The following ADGRL2 variants were observed in gnomAD, a reference collection of about 807,000 sequenced individuals.
The protein encoded by ADGRL2 is adhesion G protein-coupled receptor L2.
A neutral mutation model predicts 157.4 loss-of-function variants in ADGRL2; 44 were observed. The observed-to-expected ratio is 0.28, with a 90% CI of 0.22 to 0.36. ADGRL2 has a LOEUF of 0.36. ADGRL2 is among the 10% of genes least tolerant of loss of function. The pLI, the probability that ADGRL2 is intolerant of heterozygous loss-of-function variation, is 1.00. For missense variants in ADGRL2, 1,510 were observed against 1,768.9 expected (o/e 0.85, Z 2.63); for synonymous variants, 585 against 624.7 (o/e 0.94, Z 0.95).
At chr1:81,469,549 C>T (rs1229842666) in intron 2 of ADGRL2, among the ~76,000 whole-genome samples, 1 of 152,160 alleles carries the variant, frequency 6.6e-6, no homozygotes, top group Non-Finnish European at 1.5e-5. Flanking sequence ...CTATCTTTAG[C>T]TATCTTTGGT....
Position 81,970,596 on chromosome 1 carries a change from T to C in ADGRL2, c.2954+62T>C, listed in dbSNP as rs1264011085. Reference sequence around the variant, plus strand: ...GAATAATTTTTTAAAGCCTGTTAGCTGTCAGTGAGGGTCCCTGACAGATTA... The same window carrying C: ...GAATAATTTTTTAAAGCCTGTTAGCCGTCAGTGAGGGTCCCTGACAGATTA... On this transcript the variant is annotated intron_variant, in intron 16 of 23. Coordinates refer to ENST00000686636, the MANE Select transcript of ADGRL2 (RefSeq NM_001366006.2). 1.3e-5 allele frequency: 16 copies of C among 1,274,484 alleles called. No individual in the cohort carries two copies. In the Admixed American group the frequency reaches 1.6e-4, roughly 13 times the overall value. The allele number at this position is 1,274,484 out of a possible 1,614,324, so 78.9% of individuals were successfully genotyped here.
At chr1:81,411,444 T>C (rs981169877) in intron 1 of ADGRL2, among the ~76,000 whole-genome samples, 3 of 152,170 alleles carry the variant, frequency 2.0e-5, no homozygotes, top group Non-Finnish European at 4.4e-5. Flanking sequence ...GATATTGGTG[T>C]CGTTAGCATC....
intron 3 of ADGRL2, among the ~76,000 whole-genome samples, chr1:81,653,862 A>G (rs2148851318): frequency 6.6e-6 from 1 of 152,286 alleles, no homozygotes; most frequent in South Asian, 2.1e-4. Context: ...ATGACTCGTC[A>G]TCATCTCAAA....
chr1:81,771,712 C>A (rs1289900741), intron 2 of ADGRL2, among the ~76,000 whole-genome samples: 1 of 152,034 alleles, frequency 6.6e-6, no homozygotes, highest in Non-Finnish European at 1.5e-5. Flanking sequence ...TATGAGAGTG[C>A]AACCTTATCC....
rs1349936299 is a variant in ADGRL2, at chr1:81,966,151, C to T, written c.2111C>T (p.Ser704Phe). 1 of 1,613,958 alleles carries T rather than the reference C, an allele frequency of 6.2e-7. No individual in the cohort carries two copies. The highest frequency in any genetic ancestry group is 1.3e-5 in the African/African-American group (1 of 74,906). The change falls in exon 12 of 24, where the codon TCC becomes TTC. Residue 704 changes from serine to phenylalanine, a missense_variant. Around this residue, in one of 4 missense-constraint regions of ADGRL2, gnomAD observed 497 missense variants for 627.2 expected, o/e 0.79. Coordinates refer to ENST00000686636, the MANE Select transcript of ADGRL2 (RefSeq NM_001366006.2). ...IKGAGSSIQL[S>F]ANTVKQNSRN... is the part of the protein sequence containing the mutation. The stretch of plus-strand genomic sequence containing the variant: ...GGAGCAGGCAGCTCAATCCAACTGT[C>T]CGCAAATACCGTCAAACAGAACAGC...
chr1:81,966,279 C>G (rs1657017772), intron 12 of ADGRL2, 96 bp downstream of exon 12: 2 of 1,543,270 alleles, frequency 1.3e-6, no homozygotes, highest in Non-Finnish European at 1.8e-6. Flanking sequence ...AACAAAAAAA[C>G]GGCTTACCAT....
intron 3 of ADGRL2, among the ~76,000 whole-genome samples, chr1:81,925,710 T>C (rs1436983346): frequency 6.6e-6 from 1 of 152,020 alleles, no homozygotes; most frequent in Non-Finnish European, 1.5e-5. Flanking sequence ...TACTTTCAGT[T>C]TGATTTGTAT....
intron 2 of ADGRL2, among the ~76,000 whole-genome samples, chr1:81,575,374 T>TA (rs1462494224): frequency 1.7e-4 from 26 of 152,154 alleles, no homozygotes; most frequent in African/African-American, 6.3e-4. Context: ...CAGTAGTTTT[T>TA]ACTATTGTTT....
intron 2 of ADGRL2, among the ~76,000 whole-genome samples, chr1:81,859,955 G>T (rs1304133223): frequency 1.3e-5 from 2 of 151,784 alleles, no homozygotes; most frequent in African/African-American, 4.8e-5. Context: ...GCCAGGCGTG[G>T]TAGCTCACAC....
chr1:81,674,981 T>C (rs995447734), intron 3 of ADGRL2, among the ~76,000 whole-genome samples: 2 of 152,182 alleles, frequency 1.3e-5, no homozygotes, highest in African/African-American at 4.8e-5. Flanking sequence ...TCATTTTCTC[T>C]TTTTCATCCT....
At chr1:81,661,111 T>C (rs1476762922) in intron 3 of ADGRL2, among the ~76,000 whole-genome samples, 1 of 152,238 alleles carries the variant, frequency 6.6e-6, no homozygotes, top group African/African-American at 2.4e-5. Context: ...TTTTACTTTC[T>C]TTATTGCTAT....
intron 3 of ADGRL2, among the ~76,000 whole-genome samples, chr1:81,650,533 G>A (rs1194412637): frequency 6.8e-6 from 1 of 146,158 alleles, no homozygotes; most frequent in South Asian, 2.1e-4. Context: ...CTGAGATCGT[G>A]CCACTGCACT....
chr1:81,639,900 G>A lies in ADGRL2; in HGVS notation c.-143+58920G>A, dbSNP rs115046297. ...ACTAACTAAATAAGGAGGAATCTGT[G>A]CAATTGATGGCACTTCTTCTTACAC... is the stretch of plus-strand genomic sequence containing the variant. On this transcript the variant is annotated intron_variant, in intron 3 of 24. Coordinates refer to the ADGRL2 transcript ENST00000370721. 7.0e-3 allele frequency among the ~76,000 whole-genome samples: 1,068 copies of A among 152,246 alleles called. 7 individuals are homozygous for A. The highest frequency in any genetic ancestry group is 0.024 in the African/African-American group (1,007 of 41,530).
At chr1:81,880,101 T>A (rs1358208967) in intron 2 of ADGRL2, among the ~76,000 whole-genome samples, 1 of 152,178 alleles carries the variant, frequency 6.6e-6, no homozygotes, top group Non-Finnish European at 1.5e-5. Flanking sequence ...ATCCGAACAA[T>A]GGAAATTATA....
Position 81,457,287 on chromosome 1 carries a change from T to C in ADGRL2, c.-248+12198T>C, listed in dbSNP as rs185554594. On this transcript the variant is annotated intron_variant, in intron 2 of 24. Transcript: ENST00000370721. ...AAGTTAATATGGTACATGAACATTT[T>C]CTGTTTCCTATTTTTAAAAACTTCA... is the stretch of plus-strand genomic sequence containing the variant. Among the ~76,000 whole-genome samples the C allele has an allele frequency of 2.9e-3, 449 of 152,314 alleles. 2 individuals carry two copies. Among genetic ancestry groups the C allele is most frequent in the African/African-American group, 0.01 (430 of 41,572 alleles).
At chr1:81,648,398 CT>C (rs2082353157) in intron 3 of ADGRL2, among the ~76,000 whole-genome samples, 1 of 152,204 alleles carries the variant, frequency 6.6e-6, no homozygotes, top group South Asian at 2.1e-4. Context: ...CTGCCTTCTG[CT>C]ACCCACCTCC....
chr1:81,709,421 T>G (rs373621773), intron 1 of ADGRL2, among the ~76,000 whole-genome samples: 1 of 152,170 alleles, frequency 6.6e-6, no homozygotes, highest in Non-Finnish European at 1.5e-5. Flanking sequence ...AAATGTACCA[T>G]GGATTCCAAA....
At chr1:81,390,547 T>TGTG (rs1194482432) in intron 1 of ADGRL2, among the ~76,000 whole-genome samples, 413 of 150,822 alleles carry the variant, frequency 2.7e-3, no homozygotes, top group Non-Finnish European at 3.9e-3. Flanking sequence ...GCATGATAGA[T>TGTG]AATAATGTGA....
At chr1:81,473,275 T>C (rs1221051976) in intron 2 of ADGRL2, among the ~76,000 whole-genome samples, 2 of 152,148 alleles carry the variant, frequency 1.3e-5, no homozygotes, top group East Asian at 3.9e-4. Context: ...GTAACTGTTA[T>C]CCCACTTTCA....
Sources: allele counts gnomAD v4.1 joint callset (sites outside exome capture counted in the v4.1 genomes callset), GRCh38; gene constraint gnomAD v4.1.1; regional missense constraint gnomAD v4.1.1; transcripts MANE v1.5; gene names NCBI Gene and HGNC (gene_info 2026-07-23, HGNC 2026-07-21).